Variants in RNF220 observed in about 807,000 individuals in gnomAD.
RNF220 encodes ring finger protein 220.
RNF220 carries 7 observed loss-of-function variants against 67.1 expected under a neutral mutation model. The ratio of observed to expected loss-of-function variants is 0.10; its 90% CI spans 0.06 to 0.20. RNF220 has a LOEUF of 0.20. Among genes scored for constraint, RNF220 ranks in the 10% least tolerant of loss-of-function variants. The pLI, the probability that RNF220 is intolerant of heterozygous loss-of-function variation, is 1.00. For missense variants in RNF220, 565 were observed against 740.3 expected, an observed-to-expected ratio of 0.76 and a Z score of 2.75; for synonymous variants, 270 against 283.2, an observed-to-expected ratio of 0.95 and a Z score of 0.47.
At position 44,650,304 on chromosome 1, in the gene RNF220, A is replaced by T. The variant is rs1032340032; in HGVS notation, c.1629+347A>T. 10 of 489,290 alleles carry T rather than the reference A, an allele frequency of 2.0e-5. No homozygotes were observed. The highest frequency in any genetic ancestry group is 1.9e-4 in the African/African-American group (10 of 51,752). 30.3% of individuals were successfully genotyped at this position (489,290 alleles called of 1,614,324 possible). A position where few individuals can be genotyped will look rare whatever the true frequency, so the allele number is the denominator to read the frequency against. ...GGCCTTGGCCCCTCCCCCTCCCATT[A>T]CTAAGCTCCTTCTGCTCCTGCCCCT... On this transcript the variant is annotated intron_variant, in intron 14 of 14. Transcript: ENST00000361799. This position sits in a 1 kb window ranked among gnomAD's most constrained non-coding sequence, Gnocchi z 4.3.
At chr1:44,426,741 A>G (rs543998813) in intron 2 of RNF220, among the ~76,000 whole-genome samples, 14 of 135,472 alleles carry the variant, frequency 1.0e-4, no homozygotes, top group Non-Finnish European at 2.2e-4. Flanking sequence ...AAAAAAAAAA[A>G]GAAAGAAAGA....
intron 2 of RNF220, among the ~76,000 whole-genome samples, chr1:44,439,833 G>A (rs923423187): frequency 6.6e-6 from 1 of 152,216 alleles, no homozygotes; most frequent in Non-Finnish European, 1.5e-5. Context: ...ACCTGACAGA[G>A]GAGGGCCATA....
At chr1:44,527,921 A>G (rs1255661511) in intron 2 of RNF220, among the ~76,000 whole-genome samples, 3 of 90,774 alleles carry the variant, frequency 3.3e-5, no homozygotes, top group African/African-American at 4.3e-5. Context: ...GCAAGACTCC[A>G]TCCCAAAAAA....
chr1:44,548,045 A>C (rs1038498179), intron 2 of RNF220, among the ~76,000 whole-genome samples: 15 of 152,044 alleles, frequency 9.9e-5, no homozygotes, highest in African/African-American at 4.8e-5. Flanking sequence ...CTATTGTCCC[A>C]GGCCCTTAAG....
chr1:44,573,720 CA>C (rs1315837016), intron 2 of RNF220, among the ~76,000 whole-genome samples: 2 of 152,218 alleles, frequency 1.3e-5, no homozygotes, highest in African/African-American at 2.4e-5. Flanking sequence ...TCCAACAGGA[CA>C]AAAAACTGAG....
rs184983406 is a variant in RNF220, at chr1:44,607,108, C to A, written c.626-7057C>A. Among the ~76,000 whole-genome samples the A allele has an allele frequency of 4.1e-4, 63 of 152,332 alleles. 1 individual carries two copies. Among genetic ancestry groups the A allele is most frequent in the African/African-American group, 9.9e-4 (41 of 41,564 alleles). Reference sequence around the variant, plus strand: ...ACTTCCACGTCCAATCCATCTGCCTCTGTTCATCTCCGGCATCGTCATGCT... The same window carrying A: ...ACTTCCACGTCCAATCCATCTGCCTATGTTCATCTCCGGCATCGTCATGCT... On this transcript the variant is annotated intron_variant, in intron 2 of 14. Coordinates refer to ENST00000361799, the MANE Select transcript of RNF220 (RefSeq NM_018150.4).
chr1:44,522,586 G>T (rs960343076), intron 2 of RNF220, among the ~76,000 whole-genome samples: 8 of 151,956 alleles, frequency 5.3e-5, no homozygotes, highest in Non-Finnish European at 1.0e-4. Context: ...CACTGGGCTG[G>T]GCTCTATGCA....
At chr1:44,573,224 A>G (rs1242882916) in intron 2 of RNF220, among the ~76,000 whole-genome samples, 2 of 152,214 alleles carry the variant, frequency 1.3e-5, no homozygotes, top group East Asian at 3.8e-4. Flanking sequence ...ACCCTTCACT[A>G]GAACACTATG....
chr1:44,410,051 T>TG (rs909771786), intron 1 of RNF220, among the ~76,000 whole-genome samples: 4 of 152,212 alleles, frequency 2.6e-5, no homozygotes, highest in Admixed American at 2.6e-4. Context: ...CAGGTTCTGT[T>TG]GGAGTGTCCG....
rs1644592452 is a variant in RNF220, at chr1:44,644,893, G to A, written c.1223+99G>A. The A allele has an allele frequency of 1.4e-5, 22 of 1,533,938 alleles. No individual in the cohort carries two copies. The South Asian group carries it at 2.5e-4, about 17-fold the overall frequency. On this transcript the variant is annotated intron_variant, in intron 9 of 14. Coordinates refer to ENST00000361799, the MANE Select transcript of RNF220 (RefSeq NM_018150.4). ...AGTATTCACCTGCACCACCCCCCGG[G>A]CCAGAGTCTCAGCTTTGGCCAGGAG...
intron 2 of RNF220, among the ~76,000 whole-genome samples, chr1:44,501,296 G>A (rs1657849969): frequency 6.6e-6 from 1 of 151,750 alleles, no homozygotes; most frequent in Admixed American, 6.6e-5. Flanking sequence ...GCCCTGGAAA[G>A]TTTTTGAATT....
At chr1:44,472,258 G>C (rs1654881783) in intron 2 of RNF220, among the ~76,000 whole-genome samples, 1 of 152,162 alleles carries the variant, frequency 6.6e-6, no homozygotes, top group South Asian at 2.1e-4. Context: ...TGGGTCACGT[G>C]ATAACTGTAT....
chr1:44,416,430 TG>T (rs1374144401), intron 2 of RNF220, among the ~76,000 whole-genome samples: 1 of 152,266 alleles, frequency 6.6e-6, no homozygotes, highest in Non-Finnish European at 1.5e-5. Context: ...TATTGTCTGC[TG>T]TCTTGTGTTA....
At chr1:44,415,961 C>G (rs144155549) in intron 2 of RNF220, among the ~76,000 whole-genome samples, 11 of 152,286 alleles carry the variant, frequency 7.2e-5, no homozygotes, top group African/African-American at 2.6e-4. Flanking sequence ...GGCAGGATTT[C>G]TTTTGTGGTT....
Position 44,405,400 on chromosome 1 carries a change from TGCC to T in RNF220, c.-230_-228del, listed in dbSNP as rs1024684613. On this transcript the variant is annotated 5_prime_UTR_variant, in exon 1 of 15. Coordinates refer to ENST00000361799, the MANE Select transcript of RNF220 (RefSeq NM_018150.4). ...CTACTGCTGCTGCTGCTGCTGCCGCTGCCGCCGCCGCCGCCGCCGCTGCCTCCG... is the reference window on the plus strand; with the variant it reads ...CTACTGCTGCTGCTGCTGCTGCCGCTGCCGCCGCCGCCGCCGCTGCCTCCG... 1,205 of 617,110 alleles carry T rather than the reference TGCC, an allele frequency of 2.0e-3. No homozygotes were observed. The highest frequency in any genetic ancestry group is 4.4e-3 in the South Asian group (255 of 57,826). The allele number at this position is 617,110 out of a possible 1,614,324, so 38.2% of individuals were successfully genotyped here.
chr1:44,571,734 AGCCAC>A, intron 2 of RNF220, among the ~76,000 whole-genome samples: 1 of 152,218 alleles, frequency 6.6e-6, no homozygotes, highest in Non-Finnish European at 1.5e-5. Flanking sequence ...CTCACTTTCC[AGCCAC>A]CTACAGGACA....
At chr1:44,527,624 A>T (rs1660478397) in intron 2 of RNF220, among the ~76,000 whole-genome samples, 1 of 152,000 alleles carries the variant, frequency 6.6e-6, no homozygotes, top group African/African-American at 2.4e-5. Context: ...TAAATAGATG[A>T]ATTAAAAATT....
intron 2 of RNF220, among the ~76,000 whole-genome samples, chr1:44,613,059 G>A (rs1458567512): frequency 6.6e-6 from 1 of 151,504 alleles, no homozygotes; most frequent in African/African-American, 2.4e-5. Flanking sequence ...TGGATATGCA[G>A]GGATGTTTCT....
At position 44,645,614 on chromosome 1, in the gene RNF220, G is replaced by C; in HGVS notation, c.1445+126G>C. 2.2e-6 allele frequency: 2 copies of C among 924,336 alleles called. No individual in the cohort carries two copies. Among genetic ancestry groups the C allele is most frequent in the Non-Finnish European group, 3.4e-6 (2 of 596,686 alleles). 57.3% of individuals were successfully genotyped at this position (924,336 alleles called of 1,614,324 possible). ...AAGTGCAGCTCAGTGCTGCTGCCCT[G>C]GGCACACGGCCGGCAGTGGAGCCCA... On this transcript the variant is annotated intron_variant, in intron 12 of 14. Transcript: ENST00000361799. This position sits in a 1 kb window ranked among gnomAD's most constrained non-coding sequence, Gnocchi z 5.0.
Sources: gnomAD v4.1 joint callset for allele counts (sites outside exome capture counted in the v4.1 genomes callset) on GRCh38, gnomAD v4.1.1 for gene constraint, Gnocchi (gnomAD v3.1) non-coding constraint, MANE v1.5 for transcripts, NCBI Gene and HGNC (gene_info 2026-07-23, HGNC 2026-07-21) for gene names.